The following RPS11 variants were observed in gnomAD, a reference collection of about 807,000 sequenced individuals.
RPS11 encodes the protein small ribosomal subunit protein uS17.
For missense variants in RPS11, 127 were observed against 211.4 expected (o/e 0.60, Z 2.48); for synonymous variants, 107 against 78.0 (o/e 1.37, Z -1.96).
chr19:49,496,577 C>T (rs192869039), intron 1 of RPS11, 106 bp downstream of exon 1: 4 of 1,209,080 alleles, frequency 3.3e-6, no homozygotes, highest in East Asian at 2.5e-5. Context: ...TAATTCCGGG[C>T]GTCCGTGATT....
intron 4 of RPS11, among the ~76,000 whole-genome samples, chr19:49,498,481 G>A (rs757814761): frequency 7.2e-5 from 11 of 152,228 alleles, no homozygotes; most frequent in African/African-American, 1.2e-4. Flanking sequence ...GCCAGGCACC[G>A]TGGCTCAAGC....
intron 3 of RPS11, 69 bp downstream of exon 3, chr19:49,497,664 T>G: frequency 7.0e-7 from 1 of 1,430,536 alleles, no homozygotes; most frequent in Admixed American, 1.7e-5. Context: ...CCCAGACTCC[T>G]GGGTCCTGGG....
At chr19:49,497,423 G>T in intron 2 of RPS11, 97 bp from the exon 3 acceptor site, 1 of 1,595,824 alleles carries the variant, frequency 6.3e-7, no homozygotes, top group Non-Finnish European at 8.6e-7. Context: ...TTCTGGGGCT[G>T]CTGGGAATTG....
rs1376085002 is a variant in RPS11 at position 49,496,437 on chromosome 19, T to G, written c.-20T>G. On this transcript the variant is annotated 5_prime_UTR_variant, in exon 1 of 5. Transcript: ENST00000270625. ...ACCCGGACGCTGCTGCCCCTTTCTT[T>G]TTTTCAGGCGGCCGGGAAGATGGCG... The G allele has an allele frequency of 6.2e-7, 1 of 1,612,224 alleles. No homozygotes were observed. The highest frequency in any genetic ancestry group is 2.2e-5 in the East Asian group (1 of 44,560).
intron 1 of RPS11, 131 bp downstream of exon 1, chr19:49,496,602 A>C: frequency 2.0e-6 from 2 of 985,602 alleles, no homozygotes; most frequent in Non-Finnish European, 3.0e-6. Context: ...TCTAGAGATT[A>C]ACTGGAGTGG....
chr19:49,498,273 C>A, intron 4 of RPS11: 1 of 548,734 alleles, frequency 1.8e-6, no homozygotes, highest in Non-Finnish European at 3.3e-6. Flanking sequence ...AATGTTCTCG[C>A]ATACATAGTG....
At chr19:49,498,354 G>T (rs180896225) in intron 4 of RPS11, 35 of 380,854 alleles carry the variant, frequency 9.2e-5, no homozygotes, top group Middle Eastern at 1.7e-3. Context: ...TATTCACATA[G>T]CCTGAAAGTA....
At chr19:49,498,939 AGGTGT>A (rs1171749278) in intron 4 of RPS11, among the ~76,000 whole-genome samples, 2 of 152,168 alleles carry the variant, frequency 1.3e-5, no homozygotes, top group East Asian at 3.8e-4. Context: ...ATCACGTACC[AGGTGT>A]GGTGTGAGAT....
At chr19:49,496,769 A>G (rs1451131939) in intron 1 of RPS11, among the ~76,000 whole-genome samples, 4 of 151,934 alleles carry the variant, frequency 2.6e-5, no homozygotes, top group South Asian at 2.1e-4. Flanking sequence ...TTCTGTGGAA[A>G]CGGACTCCTA....
In RPS11 at chr19:49,499,587, C is replaced by T; in HGVS notation, c.429C>T (p.Leu143=). Residue 143 remains leucine, a synonymous_variant, in exon 5 of 5, where the codon CTC becomes CTT. Coordinates refer to ENST00000270625, the MANE Select transcript of RPS11 (RefSeq NM_001015.5). ...GCAAGACAGTGCGCTTCAACGTGCTCAAGGTCACCAAGGCTGCCGGCACCA... is the reference window on the plus strand; with the variant it reads ...GCAAGACAGTGCGCTTCAACGTGCTTAAGGTCACCAAGGCTGCCGGCACCA... ...PLSKTVRFNV[L]KVTKAAGTKK... The T allele has an allele frequency of 6.2e-7, 1 of 1,614,000 alleles. No homozygotes were observed. The highest frequency in any genetic ancestry group is 8.5e-7 in the Non-Finnish European group (1 of 1,179,934).
chr19:49,496,660 G>A (rs2079907896), intron 1 of RPS11, among the ~76,000 whole-genome samples, 189 bp downstream of exon 1: 3 of 152,284 alleles, frequency 2.0e-5, no homozygotes, highest in East Asian at 1.9e-4. Flanking sequence ...ATTCCTGGGG[G>A]CTCCTGGCGT....
chr19:49,498,036 C>T lies in RPS11; in HGVS notation c.343C>T (p.Pro115Ser). Residue 115 changes from proline (P) to serine (S), a missense_variant, in exon 4 of 5, where the codon CCC (proline) becomes TCC (serine). By Grantham distance (74) the Pro-to-Ser change is moderately conservative (BLOSUM62 -1). Transcript: ENST00000270625. ...RHKNMSVHLS[P>S]CFRDVQIGDI... Reference sequence around the variant, plus strand: ...CAAGAACATGTCTGTACACCTGTCCCCCTGCTTCAGGTGAGCGCAGTGGCC... The same window carrying T: ...CAAGAACATGTCTGTACACCTGTCCTCCTGCTTCAGGTGAGCGCAGTGGCC... 6.2e-7 allele frequency: 1 copy of T among 1,612,544 alleles called. No individual in the cohort carries two copies. The highest frequency in any genetic ancestry group is 8.5e-7 in the Non-Finnish European group (1 of 1,180,000).
intron 4 of RPS11, 36 bp downstream of exon 4, chr19:49,498,082 G>A (rs111673343): frequency 2.0e-5 from 33 of 1,610,152 alleles, no homozygotes; most frequent in African/African-American, 8.0e-5. Flanking sequence ...CTCAGGCCAC[G>A]CTCTCTCAGC....
Position 49,499,487 on chromosome 19 carries a change from G to T in RPS11, c.354-25G>T, listed in dbSNP as rs368254639. 3 of 1,609,348 alleles carry T rather than the reference G, an allele frequency of 1.9e-6. No homozygotes were observed. The African/African-American group carries it at 4.0e-5, about 22-fold the overall frequency. On this transcript the variant is annotated intron_variant, in intron 4 of 4. Transcript: ENST00000270625. ...GTCTGCTGGGGTGGCCCCTCCTGAG[G>T]ACATGGCCCTACCTGCCTCCACAGG...
Position 49,496,465 on chromosome 19 carries a change from C to T in RPS11, c.9C>T (p.Asp3=), listed in dbSNP as rs767403012. ...TTCAGGCGGCCGGGAAGATGGCGGA[C>T]ATTCAGGTGCGGACTCGGGGTTGGA... MA[D]IQTERAYQKQ... is the part of the protein sequence containing the mutation. Residue 3 remains aspartate (D), a synonymous_variant, in exon 1 of 5, where the codon GAC becomes GAT. Coordinates refer to ENST00000270625, the MANE Select transcript of RPS11 (RefSeq NM_001015.5). The T allele has an allele frequency of 2.5e-5, 40 of 1,611,910 alleles. No homozygotes were observed. The highest frequency in any genetic ancestry group is 5.0e-5 in the Admixed American group (3 of 59,896).
At chr19:49,497,682 G>A (rs2079913709) in intron 3 of RPS11, 87 bp downstream of exon 3, 1 of 1,342,996 alleles carries the variant, frequency 7.4e-7, no homozygotes, top group African/African-American at 1.4e-5. Flanking sequence ...GGGTGAGAGG[G>A]GTGGTTAGGA....
chr19:49,496,747 C>T (rs1310411121), intron 1 of RPS11, among the ~76,000 whole-genome samples: 1 of 152,036 alleles, frequency 6.6e-6, no homozygotes. Flanking sequence ...GTTCTCCGGT[C>T]TTCAGGGGTA....
rs1473160844 is a variant in RPS11 at position 49,498,037 on chromosome 19, C to T, written c.344C>T (p.Pro115Leu). ...RHKNMSVHLS[P>L]CFRDVQIGDI... ...AAGAACATGTCTGTACACCTGTCCC[C>T]CTGCTTCAGGTGAGCGCAGTGGCCC... Residue 115 changes from proline (P) to leucine (L), a missense_variant, in exon 4 of 5, where the codon CCC becomes CTC. Pro to Leu is a moderately conservative substitution (Grantham distance 98). Transcript: ENST00000270625. 6.2e-7 allele frequency: 1 copy of T among 1,612,480 alleles called. No homozygotes were observed. Among genetic ancestry groups the T allele is most frequent in the East Asian group, 2.2e-5 (1 of 44,882 alleles).
rs529417733 is a variant in RPS11 at position 49,497,958 on chromosome 19, C to T, written c.265C>T (p.Arg89Cys). The change falls in exon 4 of 5, where the codon CGC becomes TGC. Residue 89 changes from arginine (R) to cysteine (C), a missense_variant. Transcript: ENST00000270625. ...GAAGATGCAGAGGACCATTGTCATC[C>T]GCCGAGACTATCTGCACTACATCCG... ...KMKMQRTIVI[R>C]RDYLHYIRKY... 16 of 1,614,078 alleles carry T rather than the reference C, an allele frequency of 9.9e-6. No individual in the cohort carries two copies. The highest frequency in any genetic ancestry group is 1.7e-4 in the Middle Eastern group (1 of 6,058).
Sources: gnomAD v4.1 joint callset for allele counts (sites outside exome capture counted in the v4.1 genomes callset) on GRCh38, gnomAD v4.1.1 for gene constraint, MANE v1.5 for transcripts, NCBI Gene and HGNC (gene_info 2026-07-23, HGNC 2026-07-21) for gene names.